Variants in COLEC12 observed in about 807,000 individuals in gnomAD.
The protein encoded by COLEC12 is collectin subfamily member 12.
COLEC12 carries 33 observed loss-of-function variants against 71.1 expected under a neutral mutation model. The ratio of observed to expected loss-of-function variants is 0.46; its 90% confidence interval spans 0.35 to 0.62. COLEC12 has a LOEUF of 0.62. Among genes scored for constraint, COLEC12 ranks in the 20% least tolerant of loss-of-function variants. The pLI is 0.00. For synonymous variants in COLEC12, 350 were observed against 353.0 expected (o/e 0.99, Z 0.10); for missense variants, 765 against 916.1 (o/e 0.84, Z 2.13).
chr18:386,315 G>A (rs1915344979), intron 2 of COLEC12, among the ~76,000 whole-genome samples: 1 of 152,174 alleles, frequency 6.6e-6, no homozygotes, highest in African/African-American at 2.4e-5. Context: ...GGGGTGACTG[G>A]AAGACTAAAA....
intron 2 of COLEC12, among the ~76,000 whole-genome samples, chr18:404,435 G>A (rs141998516): frequency 9.2e-5 from 14 of 152,166 alleles, no homozygotes; most frequent in South Asian, 2.1e-4. Flanking sequence ...TGTAAGCCGC[G>A]GCTTTTTTTA....
At chr18:348,489 T>C (rs1213410295) in intron 3 of COLEC12, among the ~76,000 whole-genome samples, 2 of 152,228 alleles carry the variant, frequency 1.3e-5, no homozygotes, top group Non-Finnish European at 2.9e-5. Flanking sequence ...TGCTATTTCC[T>C]ATATTAATTT....
chr18:422,697 T>C (rs993451681), intron 2 of COLEC12, among the ~76,000 whole-genome samples: 4 of 152,102 alleles, frequency 2.6e-5, no homozygotes, highest in Non-Finnish European at 4.4e-5. Flanking sequence ...TACACATAGA[T>C]GCATACGTGC....
chr18:433,807 T>A (rs1190207265), intron 2 of COLEC12, among the ~76,000 whole-genome samples: 1 of 151,644 alleles, frequency 6.6e-6, no homozygotes, highest in South Asian at 2.1e-4. Flanking sequence ...CTACAAAAAG[T>A]ACAGAAATTA....
intron 2 of COLEC12, among the ~76,000 whole-genome samples, chr18:389,477 G>A (rs537518436): frequency 5.9e-5 from 9 of 151,562 alleles, no homozygotes; most frequent in Admixed American, 3.3e-4. Flanking sequence ...ACGGGGTTTC[G>A]CCATGTTAAC....
At chr18:378,785 T>C (rs1197897599) in intron 2 of COLEC12, among the ~76,000 whole-genome samples, 2 of 152,204 alleles carry the variant, frequency 1.3e-5, no homozygotes, top group Non-Finnish European at 2.9e-5. Flanking sequence ...TATTTCCCCT[T>C]TTCCTTTCTA....
chr18:409,774 C>A (rs1469073706), intron 2 of COLEC12, among the ~76,000 whole-genome samples: 2 of 152,152 alleles, frequency 1.3e-5, no homozygotes, highest in African/African-American at 4.8e-5. Flanking sequence ...TGCAGTTATA[C>A]CTACACTTAT....
chr18:479,302 C>T (rs62090019), intron 2 of COLEC12, among the ~76,000 whole-genome samples: 24,862 of 152,078 alleles, frequency 0.16, 2,473 homozygotes, highest in Middle Eastern at 0.29. Flanking sequence ...GGGCTGCACG[C>T]GGGCCGCTCT....
chr18:436,625 G>C (rs1259234165), intron 2 of COLEC12, among the ~76,000 whole-genome samples: 3 of 150,784 alleles, frequency 2.0e-5, no homozygotes, highest in Non-Finnish European at 4.4e-5. Context: ...GATCTCCTCT[G>C]TGTTTAATTA....
intron 2 of COLEC12, among the ~76,000 whole-genome samples, chr18:430,468 G>T (rs1402942090): frequency 1.3e-5 from 2 of 151,882 alleles, no homozygotes; most frequent in African/African-American, 4.8e-5. Flanking sequence ...CTAATTATTA[G>T]TAGTACATTT....
chr18:338,196 G>C (rs575747503), intron 5 of COLEC12, among the ~76,000 whole-genome samples: 2 of 152,272 alleles, frequency 1.3e-5, no homozygotes, highest in Admixed American at 1.3e-4. Context: ...CATCCTCCCA[G>C]GCCACTTCAG....
chr18:338,454 T>C (rs1287972446), intron 5 of COLEC12, among the ~76,000 whole-genome samples: 2 of 152,222 alleles, frequency 1.3e-5, no homozygotes, highest in Admixed American at 6.5e-5. Context: ...TTATAATCTC[T>C]GTATCAGGTG....
intron 2 of COLEC12, among the ~76,000 whole-genome samples, chr18:452,821 C>G (rs970471225): frequency 2.0e-5 from 3 of 152,202 alleles, no homozygotes; most frequent in African/African-American, 7.2e-5. Flanking sequence ...ACACAAGTGC[C>G]TATGAGCTTT....
At chr18:354,924 T>G (rs1455366223) in intron 3 of COLEC12, among the ~76,000 whole-genome samples, 3 of 151,976 alleles carry the variant, frequency 2.0e-5, no homozygotes, top group Non-Finnish European at 2.9e-5. Flanking sequence ...AAACATTAGG[T>G]TTCCAGGCAG....
intron 2 of COLEC12, among the ~76,000 whole-genome samples, chr18:459,184 C>G (rs914154747): frequency 6.6e-6 from 1 of 152,148 alleles, no homozygotes; most frequent in African/African-American, 2.4e-5. Flanking sequence ...ATCTGAAAAA[C>G]TAGGTAGCTA....
chr18:322,262 T>C (rs1021926342), intron 8 of COLEC12, among the ~76,000 whole-genome samples: 7 of 152,178 alleles, frequency 4.6e-5, no homozygotes, highest in African/African-American at 1.4e-4. Context: ...TACATTTCAA[T>C]ATCTTGCCTC....
intron 2 of COLEC12, among the ~76,000 whole-genome samples, chr18:461,868 G>A (rs1390820739): frequency 6.6e-6 from 1 of 152,100 alleles, no homozygotes; most frequent in Non-Finnish European, 1.5e-5. Context: ...AGGAACTTAG[G>A]GAAGGTGGAA....
chr18:453,094 G>A (rs959622477), intron 2 of COLEC12, among the ~76,000 whole-genome samples: 7 of 152,220 alleles, frequency 4.6e-5, no homozygotes, highest in African/African-American at 1.4e-4. Flanking sequence ...GGTCTCTGGG[G>A]TTTGGTGGTT....
Position 399,486 on chromosome 18 carries a change from A to G in COLEC12, c.59-41964T>C, listed in dbSNP as rs755574640. ...ACACTCTGCTGTTTCCTACCGTGTCATTCACTAATGTATTCATTTAGCAAA... is the reference window on the plus strand; with the variant it reads ...ACACTCTGCTGTTTCCTACCGTGTCGTTCACTAATGTATTCATTTAGCAAA... On this transcript the variant is annotated intron_variant, in intron 2 of 9. Coordinates refer to ENST00000400256, the MANE Select transcript of COLEC12 (RefSeq NM_130386.3). This position sits in a 1 kb window ranked among gnomAD's most constrained non-coding sequence, Gnocchi z 4.0. Among the ~76,000 whole-genome samples, 1 of 152,228 alleles carries G rather than the reference A, an allele frequency of 6.6e-6. No homozygotes were observed. Among genetic ancestry groups the G allele is most frequent in the Non-Finnish European group, 1.5e-5 (1 of 68,040 alleles).
Sources: allele counts gnomAD v4.1 joint callset (sites outside exome capture counted in the v4.1 genomes callset), GRCh38; gene constraint gnomAD v4.1.1; non-coding constraint Gnocchi (gnomAD v3.1); transcripts MANE v1.5; gene names NCBI Gene and HGNC (gene_info 2026-07-23, HGNC 2026-07-21).